Variants in FRMD4A observed in about 807,000 individuals in gnomAD.
FRMD4A encodes FERM domain containing 4A, also known as FERM domain-containing protein 4A.
FRMD4A carries 29 observed loss-of-function variants against 129.1 expected under a neutral mutation model. The observed-to-expected ratio is 0.22, with a 90% CI of 0.17 to 0.31. The LOEUF (loss-of-function observed/expected upper bound fraction) is 0.31. Ranked by LOEUF, FRMD4A falls within the 10% of genes least tolerant of loss-of-function variation. The probability of loss-of-function intolerance (pLI) is 1.00; values close to 1 mark genes in which losing one functional copy is unlikely to be tolerated. For synonymous variants in FRMD4A, 634 were observed against 571.6 expected (o/e 1.11, Z -1.56); for missense variants, 1,272 against 1,375.8 (o/e 0.92, Z 1.19).
At chr10:14,114,868 G>A (rs1838115411) in intron 2 of FRMD4A, among the ~76,000 whole-genome samples, 1 of 152,224 alleles carries the variant, frequency 6.6e-6, no homozygotes, top group Non-Finnish European at 1.5e-5. Context: ...CACATGCTGA[G>A]GGGTTCAGCA....
intron 14 of FRMD4A, among the ~76,000 whole-genome samples, chr10:13,698,596 A>G (rs1332519055): frequency 1.3e-5 from 2 of 152,216 alleles, no homozygotes; most frequent in African/African-American, 4.8e-5. Context: ...TTGGCCAGTG[A>G]TAGTATGCTA....
intron 3 of FRMD4A, among the ~76,000 whole-genome samples, chr10:13,819,699 CTTTTT>C (rs769973791): frequency 1.5e-5 from 2 of 131,882 alleles, no homozygotes; most frequent in African/African-American, 2.9e-5. Context: ...ATATTGTCTC[CTTTTT>C]TTTTTTTTTT....
In FRMD4A at chr10:13,670,476, G is replaced by T. The variant is rs767027110; in HGVS notation, c.1304C>A (p.Pro435Gln). The T allele has an allele frequency of 6.2e-7, 1 of 1,613,052 alleles. No individual in the cohort carries two copies. The highest frequency in any genetic ancestry group is 8.5e-7 in the Non-Finnish European group (1 of 1,179,208). The change falls in exon 17 of 25, where the codon CCA (proline) becomes CAA (glutamine). Residue 435 changes from proline to glutamine, a missense_variant. Pro to Gln is a moderately conservative substitution (Grantham distance 76). Transcript: ENST00000357447. ...VEYPLDPGEE[P>Q]PIVRRRIGTA... ...TCCTATTCTTCTCCGAACAATGGGT[G>T]GTTCCTCCCCTGGATCCAGGGGATA... is the stretch of plus-strand genomic sequence containing the variant.
At chr10:13,687,633 A>C (rs2085219196) in intron 15 of FRMD4A, among the ~76,000 whole-genome samples, 1 of 152,176 alleles carries the variant, frequency 6.6e-6, no homozygotes, top group Non-Finnish European at 1.5e-5. Flanking sequence ...CTCAAACTGT[A>C]CCTGAACTTT....
intron 2 of FRMD4A, among the ~76,000 whole-genome samples, chr10:14,242,930 G>C (rs912431820): frequency 1.3e-5 from 2 of 152,208 alleles, no homozygotes; most frequent in Non-Finnish European, 2.9e-5. Context: ...CAGATATTTT[G>C]AGACACCATG....
intron 2 of FRMD4A, among the ~76,000 whole-genome samples, chr10:14,324,225 AT>A (rs1843174761): frequency 3.3e-5 from 5 of 152,238 alleles, no homozygotes. Context: ...AAATTTCACC[AT>A]TTGAAACAGA....
At chr10:13,700,487 G>A (rs540186253) in intron 14 of FRMD4A, among the ~76,000 whole-genome samples, 7 of 152,308 alleles carry the variant, frequency 4.6e-5, no homozygotes, top group African/African-American at 1.7e-4. Context: ...CTAGCCCAGG[G>A]GCCCAGGGTG....
intron 2 of FRMD4A, chr10:14,083,843 C>T (rs1196508358): frequency 2.0e-5 from 3 of 152,134 alleles, no homozygotes; most frequent in Non-Finnish European, 4.4e-5. Flanking sequence ...ACATCAATAA[C>T]GGGTAGACAC....
intron 2 of FRMD4A, among the ~76,000 whole-genome samples, chr10:14,035,914 C>T (rs1013136878): frequency 2.6e-5 from 4 of 151,994 alleles, no homozygotes; most frequent in East Asian, 3.9e-4. Context: ...TGGTGGTTGG[C>T]GCCTGTAATC....
intron 2 of FRMD4A, among the ~76,000 whole-genome samples, chr10:14,063,818 T>C (rs940049555): frequency 6.6e-6 from 1 of 152,154 alleles, no homozygotes; most frequent in Non-Finnish European, 1.5e-5. Context: ...GTAAGAAAGA[T>C]ACCACAGTCA....
intron 14 of FRMD4A, among the ~76,000 whole-genome samples, chr10:13,695,747 A>G (rs2086164233): frequency 6.6e-6 from 1 of 152,202 alleles, no homozygotes; most frequent in Non-Finnish European, 1.5e-5. Context: ...TTTCCCACAC[A>G]GGAGAAAGCA....
At chr10:13,943,903 T>C (rs570743431) in intron 2 of FRMD4A, among the ~76,000 whole-genome samples, 1 of 152,154 alleles carries the variant, frequency 6.6e-6, no homozygotes, top group Non-Finnish European at 1.5e-5. Context: ...GTGGCCCTGC[T>C]CAGTGGGAAG....
chr10:14,092,626 A>G (rs1450965667), intron 2 of FRMD4A, among the ~76,000 whole-genome samples: 1 of 152,198 alleles, frequency 6.6e-6, no homozygotes. Context: ...AGAAAGCTGG[A>G]GTTTGCAGGG....
At chr10:13,827,355 G>A (rs1003808513) in intron 3 of FRMD4A, among the ~76,000 whole-genome samples, 2 of 152,128 alleles carry the variant, frequency 1.3e-5, no homozygotes, top group Non-Finnish European at 2.9e-5. Flanking sequence ...GATCTGCGCC[G>A]TTCCCACAGC....
intron 2 of FRMD4A, among the ~76,000 whole-genome samples, chr10:13,970,742 G>T (rs1396902571): frequency 6.6e-6 from 1 of 152,120 alleles, no homozygotes; most frequent in Non-Finnish European, 1.5e-5. Flanking sequence ...TCTCAGGCGG[G>T]GCTGGGGCTG....
At chr10:13,869,641 G>A (rs971775964) in intron 2 of FRMD4A, among the ~76,000 whole-genome samples, 1 of 152,232 alleles carries the variant, frequency 6.6e-6, no homozygotes, top group African/African-American at 2.4e-5. Flanking sequence ...GCGGGCAGGT[G>A]TACAAAGAAC....
At chr10:14,077,210 C>T (rs72776662) in intron 2 of FRMD4A, among the ~76,000 whole-genome samples, 1,784 of 152,144 alleles carry the variant, frequency 0.012, 17 homozygotes, top group East Asian at 0.045. Context: ...AAGGATGATC[C>T]CCAAGACAAA....
At chr10:13,664,593 C>A (rs142265498) in intron 18 of FRMD4A, among the ~76,000 whole-genome samples, 1 of 152,224 alleles carries the variant, frequency 6.6e-6, no homozygotes, top group African/African-American at 2.4e-5. Context: ...CAGCACATCA[C>A]TGCTACGCTA....
chr10:13,716,900 T>C (rs2088861455), intron 12 of FRMD4A, among the ~76,000 whole-genome samples: 1 of 152,218 alleles, frequency 6.6e-6, no homozygotes, highest in African/African-American at 2.4e-5. Context: ...CCATAAAGCT[T>C]TGATGAATGT....
Sources: allele counts gnomAD v4.1 joint callset (sites outside exome capture counted in the v4.1 genomes callset), GRCh38; gene constraint gnomAD v4.1.1; transcripts MANE v1.5; gene names NCBI Gene and HGNC (gene_info 2026-07-23, HGNC 2026-07-21).